Variants in MGAT4A observed in about 807,000 individuals in gnomAD.
The protein encoded by MGAT4A is N-acetylglucosaminyltransferase IVa.
In MGAT4A, 33 loss-of-function variants were observed where a neutral mutation model predicts 74.1. The ratio of observed to expected loss-of-function variants is 0.45; its 90% CI spans 0.34 to 0.60. The LOEUF (loss-of-function observed/expected upper bound fraction) is 0.60, where lower values mean the gene tolerates loss of function less well. MGAT4A is among the 20% of genes least tolerant of loss of function. The pLI is 0.02. For synonymous variants in MGAT4A, 198 were observed against 210.4 expected, an observed-to-expected ratio of 0.94 and a Z score of 0.51; for missense variants, 479 against 628.3, an observed-to-expected ratio of 0.76 and a Z score of 2.54.
intron 1 of MGAT4A, among the ~76,000 whole-genome samples, chr2:98,730,493 C>CGGTCCCCTCGGG (rs1345521912): frequency 3.9e-5 from 6 of 152,218 alleles, no homozygotes; most frequent in African/African-American, 1.4e-4. Flanking sequence ...GCTGCACGGC[C>CGGTCCCCTCGGG]GGTCCCCTCG....
At chr2:98,672,806 A>C (rs1701929121) in intron 4 of MGAT4A, among the ~76,000 whole-genome samples, 1 of 152,194 alleles carries the variant, frequency 6.6e-6, no homozygotes, top group Non-Finnish European at 1.5e-5. Flanking sequence ...AAATATAATC[A>C]TTGAAATCAT....
At chr2:98,715,923 A>G (rs370645704) in intron 2 of MGAT4A, among the ~76,000 whole-genome samples, 8 of 152,360 alleles carry the variant, frequency 5.3e-5, no homozygotes, top group East Asian at 3.9e-4. Flanking sequence ...TAACTTTACA[A>G]TGGAAAAGCC....
Position 98,660,080 on chromosome 2 carries a change from A to G in MGAT4A, c.538-1816T>C, listed in dbSNP as rs560071201. ...ATACAAACATCGGTAGCATTTCTACATACTAACAATGAACTATCTGAAAAA... is the reference window on the plus strand; with the variant it reads ...ATACAAACATCGGTAGCATTTCTACGTACTAACAATGAACTATCTGAAAAA... On this transcript the variant is annotated intron_variant, in intron 5 of 15. Transcript: ENST00000393487. Among the ~76,000 whole-genome samples the G allele has an allele frequency of 8.3e-4, 127 of 152,232 alleles. 1 individual carries two copies. The highest frequency in any genetic ancestry group is 1.2e-3 in the Non-Finnish European group (84 of 68,036).
intron 2 of MGAT4A, 132 bp from the exon 3 acceptor site, chr2:98,678,603 A>T: frequency 2.3e-6 from 1 of 439,666 alleles, no homozygotes; most frequent in Non-Finnish European, 3.6e-6. Context: ...TACAGAACTG[A>T]AAAAAAAAGG....
At chr2:98,689,497 C>T (rs1348403757) in intron 2 of MGAT4A, among the ~76,000 whole-genome samples, 8 of 152,184 alleles carry the variant, frequency 5.3e-5, no homozygotes, top group Non-Finnish European at 8.8e-5. Flanking sequence ...TCTCTCTATG[C>T]ATCCTGCTAA....
At position 98,621,430 on chromosome 2, in the gene MGAT4A, C is replaced by T. The variant is rs1701059088; in HGVS notation, c.*4136G>A. On this transcript the variant is annotated 3_prime_UTR_variant, in exon 16 of 16. Coordinates refer to ENST00000393487, the MANE Select transcript of MGAT4A (RefSeq NM_012214.3). ...TTCCTTCTCATGCAGCCCCCTCTAC[C>T]TTAAAACAGCAATGGTGCCTGAGGT... 1 of 1,551,520 alleles carries T rather than the reference C, an allele frequency of 6.4e-7. No homozygotes were observed. The highest frequency in any genetic ancestry group is 1.4e-5 in the African/African-American group (1 of 73,044).
chr2:98,668,853 C>CT (rs971639908), intron 4 of MGAT4A, among the ~76,000 whole-genome samples: 11 of 152,244 alleles, frequency 7.2e-5, no homozygotes, highest in African/African-American at 2.7e-4. Context: ...CATTTTGGAA[C>CT]TTTGAGATTT....
chr2:98,721,804 CA>C lies in MGAT4A; in HGVS notation c.94+4434del, dbSNP rs550718170. Among the ~76,000 whole-genome samples the C allele has an allele frequency of 7.1e-3, 1,051 of 146,998 alleles. 8 individuals are homozygous for C. The highest frequency in any genetic ancestry group is 0.028 in the Middle Eastern group (8 of 286). ...ATGCTATATTAGAATTCAATTAATG[CA>C]AAAAAAAAGCAATAAGGGAGGAACA... On this transcript the variant is annotated intron_variant, in intron 2 of 15. Transcript: ENST00000393487.
chr2:98,707,928 C>T (rs1702462498), intron 2 of MGAT4A, among the ~76,000 whole-genome samples: 1 of 152,156 alleles, frequency 6.6e-6, no homozygotes, highest in Admixed American at 6.5e-5. Context: ...CACAACATAC[C>T]TAACCCTCAA....
At chr2:98,651,064 C>CAA (rs755001558) in intron 8 of MGAT4A, among the ~76,000 whole-genome samples, 1 of 123,850 alleles carries the variant, frequency 8.1e-6, no homozygotes, top group East Asian at 2.4e-4. Flanking sequence ...GACTCCATCT[C>CAA]AAAAAAAAAA....
Position 98,675,134 on chromosome 2 carries a change from A to AC in MGAT4A, c.303_304insG (p.Ser102ValfsTer18). 1 of 1,611,382 alleles carries AC rather than the reference A, an allele frequency of 6.2e-7. No homozygotes were observed. The highest frequency in any genetic ancestry group is 8.5e-7 in the Non-Finnish European group (1 of 1,178,500). On this transcript the variant is annotated frameshift_variant, in exon 4 of 16. Coordinates refer to ENST00000393487, the MANE Select transcript of MGAT4A (RefSeq NM_012214.3). LOFTEE classifies it high-confidence loss of function. Reference sequence around the variant, plus strand: ...TAATAAATACTTGGCACTTGAAGAGATTTTTTGCTTGTTAACTCCTTTAAC... The same window carrying AC: ...TAATAAATACTTGGCACTTGAAGAGACTTTTTTGCTTGTTAACTCCTTTAAC...
chr2:98,667,551 A>AAG (rs1559164120), intron 4 of MGAT4A, among the ~76,000 whole-genome samples: 1 of 152,186 alleles, frequency 6.6e-6, no homozygotes, highest in Admixed American at 6.5e-5. Flanking sequence ...TGTTTTAGCA[A>AAG]AGAGACTGGC....
chr2:98,719,187 G>A (rs551177988), intron 2 of MGAT4A, among the ~76,000 whole-genome samples: 10 of 152,134 alleles, frequency 6.6e-5, no homozygotes, highest in East Asian at 1.9e-4. Flanking sequence ...GAAAAATATC[G>A]GACACTGACC....
At chr2:98,626,896 A>G (rs141261362) in intron 14 of MGAT4A, among the ~76,000 whole-genome samples, 99 of 152,320 alleles carry the variant, frequency 6.5e-4, no homozygotes, top group African/African-American at 2.2e-3. Flanking sequence ...GTGCTGCCTA[A>G]TACTGATATC....
At chr2:98,636,282 C>T (rs188185782) in intron 13 of MGAT4A, among the ~76,000 whole-genome samples, 32 of 152,050 alleles carry the variant, frequency 2.1e-4, no homozygotes, top group Admixed American at 2.1e-3. Flanking sequence ...CGTGAGCCAC[C>T]GGGTGTGGCC....
intron 1 of MGAT4A, among the ~76,000 whole-genome samples, chr2:98,729,013 G>A (rs1471556443): frequency 6.6e-6 from 1 of 151,998 alleles, no homozygotes; most frequent in Non-Finnish European, 1.5e-5. Context: ...TCATAATAAC[G>A]GGGAGGTAGA....
chr2:98,625,248 TTA>T lies in MGAT4A; in HGVS notation c.*316_*317del, dbSNP rs1701127354. On this transcript the variant is annotated 3_prime_UTR_variant, in exon 16 of 16. Coordinates refer to ENST00000393487, the MANE Select transcript of MGAT4A (RefSeq NM_012214.3). ...CCCCCTTCATAAAATGTATGTAACA[TTA>T]GTTTTTCTCAAATTTAAAGAATGTA... 4 of 947,184 alleles carry T rather than the reference TTA, an allele frequency of 4.2e-6. No individual in the cohort carries two copies. Among genetic ancestry groups the T allele is most frequent in the Non-Finnish European group, 3.8e-6 (3 of 780,634 alleles). 58.7% of individuals were successfully genotyped at this position (947,184 alleles called of 1,614,324 possible).
chr2:98,646,019 C>T (rs992795358), intron 8 of MGAT4A, among the ~76,000 whole-genome samples: 33 of 151,854 alleles, frequency 2.2e-4, no homozygotes, highest in African/African-American at 7.5e-4. Flanking sequence ...AGCTATTTTA[C>T]GTATATTACA....
chr2:98,625,796 G>C lies in MGAT4A; in HGVS notation c.1508C>G (p.Pro503Arg). ...AAAGGCTGAAATGGGATTGAGACTTGGATCCACCATTCCTTCTGCAACACC... is the reference window on the plus strand; with the variant it reads ...AAAGGCTGAAATGGGATTGAGACTTCGATCCACCATTCCTTCTGCAACACC... Reference protein sequence around the residue: ...ENGVAEGMVDPSLNPISAFRL... With the variant: ...ENGVAEGMVDRSLNPISAFRL... Residue 503 changes from proline to arginine, a missense_variant, in exon 15 of 16, where the codon CCA (proline) becomes CGA (arginine). Coordinates refer to ENST00000393487, the MANE Select transcript of MGAT4A (RefSeq NM_012214.3). The C allele has an allele frequency of 6.2e-7, 1 of 1,611,698 alleles. No individual in the cohort carries two copies. Among genetic ancestry groups the C allele is most frequent in the Admixed American group, 1.7e-5 (1 of 59,954 alleles).
Sources: gnomAD v4.1 joint callset for allele counts (sites outside exome capture counted in the v4.1 genomes callset) on GRCh38, gnomAD v4.1.1 for gene constraint, MANE v1.5 for transcripts, NCBI Gene and HGNC (gene_info 2026-07-23, HGNC 2026-07-21) for gene names.